ZC3H12B: variants seen among roughly 807,000 people sequenced by gnomAD.
The protein encoded by ZC3H12B is zinc finger CCCH-type containing 12B.
A neutral mutation model predicts 43.9 loss-of-function variants in ZC3H12B; 7 were observed. The observed-to-expected ratio is 0.16, with a 90% CI of 0.09 to 0.30. ZC3H12B has a LOEUF of 0.30. Ranked by LOEUF, ZC3H12B falls within the 10% of genes least tolerant of loss-of-function variation. ZC3H12B has a pLI of 1.00. For missense variants in ZC3H12B, 475 were observed against 670.2 expected (o/e 0.71, Z 3.22); for synonymous variants, 222 against 241.7 (o/e 0.92, Z 0.76).
intron 3 of ZC3H12B, among the ~76,000 whole-genome samples, chrX:65,453,928 G>C (rs745512115): frequency 3.6e-5 from 4 of 111,811 alleles, no homozygotes; most frequent in Non-Finnish European, 7.5e-5. Context: ...AGGATGGGAG[G>C]GGGGTGAGAG....
the ZC3H12B span, among the ~76,000 whole-genome samples, chrX:65,266,403 A>T: frequency 8.9e-6 from 1 of 112,014 alleles, no homozygotes; most frequent in African/African-American, 3.2e-5. Context: ...ACAAACCTAG[A>T]AGGGGCTGAC....
At chrX:65,469,133 C>T (rs753170591) in intron 3 of ZC3H12B, 2 of 131,854 alleles carry the variant, frequency 1.5e-5, no homozygotes, top group African/African-American at 3.2e-5. Context: ...TTGTCATTGC[C>T]TAGGAGTTAC....
At chrX:65,458,107 A>C (rs1253243927) in intron 3 of ZC3H12B, among the ~76,000 whole-genome samples, 2 of 96,516 alleles carry the variant, frequency 2.1e-5, no homozygotes, top group African/African-American at 7.6e-5. Context: ...AAAAAGAGAC[A>C]AAGAAGGCCA....
chrX:65,223,707 C>T, the ZC3H12B span, among the ~76,000 whole-genome samples: 1 of 112,054 alleles, frequency 8.9e-6, no homozygotes, highest in East Asian at 2.8e-4. Context: ...GGCCAACAAA[C>T]ATATGAAGAA....
At chrX:65,127,245 C>T in the ZC3H12B span, among the ~76,000 whole-genome samples, 1 of 111,792 alleles carries the variant, frequency 8.9e-6, no homozygotes, top group East Asian at 2.9e-4. Context: ...TTCCTTAGAA[C>T]TGAATTGTAG....
chrX:65,062,208 G>A, the ZC3H12B span, among the ~76,000 whole-genome samples: 1 of 112,105 alleles, frequency 8.9e-6, no homozygotes, highest in Non-Finnish European at 1.9e-5. Flanking sequence ...CATTGCTTTT[G>A]GTGTTTTATC....
At chrX:65,083,733 T>C in the ZC3H12B span, among the ~76,000 whole-genome samples, 1 of 111,829 alleles carries the variant, frequency 8.9e-6, no homozygotes. Flanking sequence ...ATGACATTCT[T>C]TACATAAATA....
the ZC3H12B span, among the ~76,000 whole-genome samples, chrX:65,097,215 T>A: frequency 2.7e-5 from 3 of 112,045 alleles, no homozygotes; most frequent in Non-Finnish European, 5.6e-5. Flanking sequence ...TTGAAAAATA[T>A]GTCAAATCTT....
At chrX:65,169,348 G>A in the ZC3H12B span, among the ~76,000 whole-genome samples, 1 of 112,026 alleles carries the variant, frequency 8.9e-6, no homozygotes, top group African/African-American at 3.2e-5. Context: ...GCAGTTTTTA[G>A]TGAGTTTCTT....
intron 3 of ZC3H12B, among the ~76,000 whole-genome samples, chrX:65,452,909 G>T (rs1490108489): frequency 9.2e-6 from 1 of 108,357 alleles, no homozygotes; most frequent in Non-Finnish European, 1.9e-5. Context: ...AATCAATATT[G>T]TAAAAATGAA....
At chrX:65,052,241 C>T in the ZC3H12B span, among the ~76,000 whole-genome samples, 2 of 110,748 alleles carry the variant, frequency 1.8e-5, no homozygotes, top group African/African-American at 3.3e-5. Context: ...TGTTTTGATA[C>T]GGACATCCAA....
chrX:65,386,002 A>T (rs2066519119), intron 2 of ZC3H12B, among the ~76,000 whole-genome samples: 1 of 112,048 alleles, frequency 8.9e-6, no homozygotes, highest in Non-Finnish European at 1.9e-5. Context: ...AGCCCACTTG[A>T]TCATGGTGGA....
exon 5 of ZC3H12B, chrX:65,503,592 TTC>T (rs1341784060): frequency 2.4e-5 from 3 of 122,676 alleles, no homozygotes; most frequent in Non-Finnish European, 4.9e-5. Context: ...GTTTTCCTTT[TTC>T]TCTTTTCGTT....
At chrX:65,295,587 CAAAA>C in the ZC3H12B span, among the ~76,000 whole-genome samples, 6 of 109,246 alleles carry the variant, frequency 5.5e-5, no homozygotes, top group Non-Finnish European at 1.1e-4. Context: ...TTGAAACAAA[CAAAA>C]AAAGGACAAA....
chrX:65,058,494 G>T, the ZC3H12B span, among the ~76,000 whole-genome samples: 1 of 112,233 alleles, frequency 8.9e-6, no homozygotes, highest in East Asian at 2.8e-4. Context: ...GTACTCGGGG[G>T]TGCCTCCCAG....
intron 2 of ZC3H12B, among the ~76,000 whole-genome samples, chrX:65,376,718 G>T (rs964462752): frequency 8.9e-6 from 1 of 111,911 alleles, no homozygotes; most frequent in Admixed American, 9.5e-5. Flanking sequence ...ACTGGGCCTG[G>T]GTTGCCCTCT....
chrX:65,195,655 G>A, the ZC3H12B span, among the ~76,000 whole-genome samples: 1 of 112,619 alleles, frequency 8.9e-6, no homozygotes, highest in East Asian at 2.8e-4. Flanking sequence ...ATGCCTGAGA[G>A]TTTGCATAGC....
the ZC3H12B span, among the ~76,000 whole-genome samples, chrX:65,098,654 T>C: frequency 1.8e-5 from 2 of 110,414 alleles, no homozygotes; most frequent in African/African-American, 6.6e-5. Flanking sequence ...GCCAGGGACC[T>C]CCCTTCTTCA....
chrX:65,358,211 C>A, the ZC3H12B span, among the ~76,000 whole-genome samples: 1 of 111,038 alleles, frequency 9.0e-6, no homozygotes, highest in Non-Finnish European at 1.9e-5. Flanking sequence ...TTCTTAAGAT[C>A]TACAAAAAGA....
Sources: gnomAD v4.1 joint callset for allele counts (sites outside exome capture counted in the v4.1 genomes callset) on GRCh38, gnomAD v4.1.1 for gene constraint, MANE v1.5 for transcripts, NCBI Gene and HGNC (gene_info 2026-07-23, HGNC 2026-07-21) for gene names.